The following DLG1 variants were observed in gnomAD, a reference collection of about 807,000 sequenced individuals.
DLG1 encodes the protein discs large MAGUK scaffold protein 1, also known as disks large homolog 1.
DLG1 carries 42 observed loss-of-function variants against 123.4 expected under a neutral mutation model. That is an observed-to-expected ratio of 0.34 (90% CI 0.27 to 0.44). The LOEUF (loss-of-function observed/expected upper bound fraction) is 0.44, where lower values mean the gene tolerates loss of function less well. Among genes scored for constraint, DLG1 ranks in the 20% least tolerant of loss-of-function variants. DLG1 has a pLI of 1.00. For synonymous variants in DLG1, 317 were observed against 356.2 expected (o/e 0.89, Z 1.24); for missense variants, 942 against 1,082.6 (o/e 0.87, Z 1.82).
At chr3:197,298,432 C>G in intron 1 of DLG1, 104 bp downstream of exon 1, 1 of 398,772 alleles carries the variant, frequency 2.5e-6, no homozygotes, top group Non-Finnish European at 4.4e-6. Flanking sequence ...CCCTAGCCCA[C>G]CGGCGCGTCC....
intron 17 of DLG1, among the ~76,000 whole-genome samples, chr3:197,079,297 T>TAA (rs1749365269): frequency 6.6e-6 from 1 of 152,214 alleles, no homozygotes; most frequent in African/African-American, 2.4e-5. Context: ...AAATGAATGT[T>TAA]AGACATGTTA....
chr3:197,242,256 TATAA>T (rs1749298971), intron 4 of DLG1, among the ~76,000 whole-genome samples: 1 of 151,760 alleles, frequency 6.6e-6, no homozygotes, highest in Non-Finnish European at 1.5e-5. Flanking sequence ...ATATAACAAT[TATAA>T]ATATTCACCC....
intron 4 of DLG1, among the ~76,000 whole-genome samples, chr3:197,197,654 T>C (rs900590449): frequency 6.6e-6 from 1 of 152,206 alleles, no homozygotes; most frequent in African/African-American, 2.4e-5. Context: ...CTGATCCTAA[T>C]ATCCACACGG....
chr3:197,126,708 G>A (rs932810936), intron 11 of DLG1, among the ~76,000 whole-genome samples: 1 of 152,162 alleles, frequency 6.6e-6, no homozygotes, highest in African/African-American at 2.4e-5. Context: ...CACAAAAGAA[G>A]TATAAGACAC....
chr3:197,126,640 T>C (rs1393318590), intron 11 of DLG1, among the ~76,000 whole-genome samples: 2 of 152,218 alleles, frequency 1.3e-5, no homozygotes, highest in Non-Finnish European at 2.9e-5. Flanking sequence ...ATAAAGTTTA[T>C]GTGCTAGAGG....
At chr3:197,128,782 T>C (rs999088102) in intron 11 of DLG1, among the ~76,000 whole-genome samples, 3 of 152,206 alleles carry the variant, frequency 2.0e-5, no homozygotes, top group Non-Finnish European at 4.4e-5. Context: ...ACTGCCATCA[T>C]AGCTCTTGGG....
intron 4 of DLG1, among the ~76,000 whole-genome samples, chr3:197,266,948 A>T (rs943142612): frequency 2.0e-5 from 3 of 152,178 alleles, no homozygotes; most frequent in Non-Finnish European, 2.9e-5. Context: ...CTATAAACCC[A>T]CAGATCCAAG....
rs959032961 is a variant in DLG1 at position 197,263,827 on chromosome 3, C to T, written c.318+18852G>A. 5.9e-5 allele frequency among the ~76,000 whole-genome samples: 9 copies of T among 152,082 alleles called. No individual in the cohort carries two copies. The East Asian group carries it at 9.6e-4, about 16-fold the overall frequency. On this transcript the variant is annotated intron_variant, in intron 4 of 24. Transcript: ENST00000667157. ...AAAAGAAAAGAAATGTCTCAAATAC[C>T]TACCACTTTATCCCCATCATCTTGG...
Position 197,272,595 on chromosome 3 carries a change from C to A in DLG1, c.318+10084G>T, listed in dbSNP as rs555055175. 6.6e-5 allele frequency among the ~76,000 whole-genome samples: 10 copies of A among 152,270 alleles called. No homozygotes were observed. The South Asian group carries it at 2.1e-3, about 32-fold the overall frequency. On this transcript the variant is annotated intron_variant, in intron 4 of 24. Transcript: ENST00000667157. ...ATGCAACACTAATCAAAACTGGAAACAATCCACATGACCATCAATGGCAGA... is the reference window on the plus strand; with the variant it reads ...ATGCAACACTAATCAAAACTGGAAAAAATCCACATGACCATCAATGGCAGA...
At chr3:197,217,583 A>C (rs1328105090) in intron 4 of DLG1, among the ~76,000 whole-genome samples, 1 of 152,224 alleles carries the variant, frequency 6.6e-6, no homozygotes, top group Non-Finnish European at 1.5e-5. Context: ...ATAAACATAC[A>C]ATGGAATAAT....
intron 4 of DLG1, among the ~76,000 whole-genome samples, chr3:197,224,300 T>C (rs1283993548): frequency 6.6e-6 from 1 of 152,156 alleles, no homozygotes; most frequent in Non-Finnish European, 1.5e-5. Context: ...AGCAATGCCA[T>C]GTTACTTCTT....
chr3:197,291,300 T>TACACAC (rs33920543), intron 3 of DLG1, among the ~76,000 whole-genome samples: 7,901 of 143,164 alleles, frequency 0.055, 409 homozygotes, highest in African/African-American at 0.13. Flanking sequence ...CCTACAAAGT[T>TACACAC]ACACACACAC....
Position 197,044,349 on chromosome 3 carries a change from TACC to T in DLG1, c.*271_*273del, listed in dbSNP as rs929749484. The T allele has an allele frequency of 2.9e-5, 8 of 278,034 alleles. No homozygotes were observed. Among genetic ancestry groups the T allele is most frequent in the African/African-American group, 4.4e-5 (2 of 45,846 alleles). 17.2% of individuals were successfully genotyped at this position (278,034 alleles called of 1,614,324 possible). A position where few individuals can be genotyped will look rare whatever the true frequency, so the allele number is the denominator to read the frequency against. ...CTTTCCCTTAAACATTAAGGAATTT[TACC>T]ACAATTTCTGCGTCTCCCCACGTTC... On this transcript the variant is annotated 3_prime_UTR_variant, in exon 25 of 25. Transcript: ENST00000667157.
At position 197,161,716 on chromosome 3, in the gene DLG1, G is replaced by A. The variant is rs762105289; in HGVS notation, c.484-11920C>T. On this transcript the variant is annotated intron_variant, in intron 5 of 24. Transcript: ENST00000667157. ...AGGGATCACAGGGACAGTGGGAGGA[G>A]AGGGAAGAACAGCTTCTGTTGGCTA... The A allele has an allele frequency of 6.4e-6, 10 of 1,574,516 alleles. No homozygotes were observed. In the Admixed American group the frequency reaches 1.7e-4, roughly 27 times the overall value.
intron 5 of DLG1, among the ~76,000 whole-genome samples, chr3:197,171,385 C>G (rs989616594): frequency 1.3e-5 from 2 of 152,144 alleles, no homozygotes; most frequent in Non-Finnish European, 2.9e-5. Context: ...TAGTAAAAAA[C>G]CAACAATATG....
At chr3:197,224,987 C>G (rs571538270) in intron 4 of DLG1, among the ~76,000 whole-genome samples, 2 of 152,354 alleles carry the variant, frequency 1.3e-5, no homozygotes, top group South Asian at 2.1e-4. Context: ...GATGGAGTCT[C>G]GCTCTGTGGC....
At chr3:197,050,566 T>C (rs1019872017) in intron 24 of DLG1, among the ~76,000 whole-genome samples, 1 of 152,104 alleles carries the variant, frequency 6.6e-6, no homozygotes, top group Non-Finnish European at 1.5e-5. Flanking sequence ...CTATATGAAA[T>C]AAGCCAGACA....
In DLG1 at chr3:197,051,567, C is replaced by T. The variant is rs7629533; in HGVS notation, c.2575+10G>A. 0.27 allele frequency: 439,622 copies of T among 1,606,244 alleles called. 63,075 individuals are homozygous for T. The highest frequency in any genetic ancestry group is 0.39 in the Middle Eastern group (2,374 of 6,046). On this transcript the variant is annotated intron_variant, in intron 24 of 24. Coordinates refer to ENST00000667157, the MANE Select transcript of DLG1 (RefSeq NM_001366207.1). ...TATCTTAAAGAGGACTGTTACAACA[C>T]GGTTCCAACCTGTGAAATGTTCAGT...
intron 14 of DLG1, among the ~76,000 whole-genome samples, chr3:197,098,615 GC>G (rs1288044775): frequency 6.6e-6 from 1 of 152,054 alleles, no homozygotes; most frequent in Non-Finnish European, 1.5e-5. Context: ...GCTCATCGCA[GC>G]TTCTGCCTCC....
Sources: gnomAD v4.1 joint callset for allele counts (sites outside exome capture counted in the v4.1 genomes callset) on GRCh38, gnomAD v4.1.1 for gene constraint, MANE v1.5 for transcripts, NCBI Gene and HGNC (gene_info 2026-07-23, HGNC 2026-07-21) for gene names.